The following DDX31 variants were observed in gnomAD, a reference collection of about 807,000 sequenced individuals.
The protein encoded by DDX31 is ATP-dependent DNA helicase DDX31.
Under a neutral mutation model 91.3 loss-of-function variants are expected in DDX31, and 70 were observed. The observed-to-expected ratio is 0.77, with a 90% CI of 0.63 to 0.94. The LOEUF (loss-of-function observed/expected upper bound fraction) is 0.94, where lower values mean the gene tolerates loss of function less well. DDX31 is among the 40% of genes least tolerant of loss of function. The probability of loss-of-function intolerance (pLI) is 0.00; values close to 1 mark genes in which losing one functional copy is unlikely to be tolerated. For missense variants in DDX31, 902 were observed against 925.0 expected (o/e 0.98, Z 0.32); for synonymous variants, 362 against 350.6 (o/e 1.03, Z -0.36).
chr9:132,651,484 T>C (rs1007429135), intron 7 of DDX31, among the ~76,000 whole-genome samples: 1 of 152,110 alleles, frequency 6.6e-6, no homozygotes, highest in African/African-American at 2.4e-5. Context: ...AGAAAGAATA[T>C]AATATGTACG....
intron 13 of DDX31, among the ~76,000 whole-genome samples, chr9:132,643,021 G>T (rs1833595633): frequency 6.6e-6 from 1 of 152,076 alleles, no homozygotes; most frequent in Non-Finnish European, 1.5e-5. Context: ...ACGAGGTTTT[G>T]CCATGCTGCT....
Position 132,613,344 on chromosome 9 carries a change from C to T in DDX31, c.1826-1089G>A, listed in dbSNP as rs115927729. ...AAAATAGTCCCTTGAGGACTGACAA[C>T]AATTTAGGGACATTCATCAAACACT... On this transcript the variant is annotated intron_variant, in intron 18 of 19. Transcript: ENST00000372159. 9.1e-3 allele frequency among the ~76,000 whole-genome samples: 1,391 copies of T among 152,330 alleles called. 13 individuals are homozygous for T. Among genetic ancestry groups the T allele is most frequent in the African/African-American group, 0.032 (1,313 of 41,572 alleles).
intron 11 of DDX31, 26 bp downstream of exon 11, chr9:132,648,163 G>A (rs1023063687): frequency 7.6e-6 from 12 of 1,568,932 alleles, no homozygotes; most frequent in Non-Finnish European, 1.0e-5. Flanking sequence ...GAACAAAGAA[G>A]GACCCATCAC....
chr9:132,594,851 A>G lies in DDX31; in HGVS notation c.*15T>C. On this transcript the variant is annotated 3_prime_UTR_variant, in exon 20 of 20. Coordinates refer to ENST00000372159, the MANE Select transcript of DDX31 (RefSeq NM_022779.9). ...CCCGGGGCTTCCAGGTTCCACTCGA[A>G]GACCCAGAGAGATTTTAAACTTTCT... The G allele has an allele frequency of 6.2e-7, 1 of 1,608,990 alleles. No individual in the cohort carries two copies.
intron 18 of DDX31, among the ~76,000 whole-genome samples, chr9:132,618,125 A>T (rs1831760172): frequency 6.6e-6 from 1 of 152,230 alleles, no homozygotes; most frequent in African/African-American, 2.4e-5. Flanking sequence ...AAACATGGGG[A>T]AGGATGAAAT....
chr9:132,661,733 C>T (rs1834964253), intron 3 of DDX31, among the ~76,000 whole-genome samples: 1 of 152,170 alleles, frequency 6.6e-6, no homozygotes, highest in South Asian at 2.1e-4. Flanking sequence ...TTTCTTCTTA[C>T]TCATGAGTCT....
chr9:132,633,293 A>G (rs897721390), intron 14 of DDX31, among the ~76,000 whole-genome samples: 2 of 152,162 alleles, frequency 1.3e-5, no homozygotes, highest in African/African-American at 4.8e-5. Flanking sequence ...ATGGCAGGGA[A>G]TTGGGTAGTA....
chr9:132,617,745 C>T (rs574069648), intron 18 of DDX31, among the ~76,000 whole-genome samples: 34 of 152,264 alleles, frequency 2.2e-4, no homozygotes, highest in African/African-American at 7.2e-4. Context: ...TATTACTCAA[C>T]GTGAACTGTG....
intron 1 of DDX31, among the ~76,000 whole-genome samples, chr9:132,667,189 G>A (rs771301313): frequency 6.6e-5 from 10 of 152,088 alleles, no homozygotes; most frequent in Non-Finnish European, 1.5e-4. Context: ...CATAGTGTTA[G>A]ATACAGCATA....
At position 132,616,366 on chromosome 9, in the gene DDX31, T is replaced by TA. The variant is rs55949604; in HGVS notation, c.1825+1963dup. ...AGTGACCCTGCTTGTTTCATGGTAT[T>TA]AACAAGTTCAATGGTAATAACAGTG... On this transcript the variant is annotated intron_variant, in intron 18 of 19. Transcript: ENST00000372159. Among the ~76,000 whole-genome samples, 465 of 152,326 alleles carry TA rather than the reference T, an allele frequency of 3.1e-3. 5 individuals are homozygous for TA. Among genetic ancestry groups the TA allele is most frequent in the Admixed American group, 0.019 (294 of 15,298 alleles).
At chr9:132,661,677 C>A (rs1193945222) in intron 3 of DDX31, among the ~76,000 whole-genome samples, 3 of 152,128 alleles carry the variant, frequency 2.0e-5, no homozygotes, top group Non-Finnish European at 4.4e-5. Context: ...AAGCTGTAAC[C>A]GAAAGTGCAG....
At chr9:132,604,436 T>C (rs1404903258) in intron 19 of DDX31, among the ~76,000 whole-genome samples, 1 of 152,216 alleles carries the variant, frequency 6.6e-6, no homozygotes, top group African/African-American at 2.4e-5. Flanking sequence ...CTATCATCTG[T>C]GCAGCTGGCC....
chr9:132,601,576 G>A (rs553156326), intron 19 of DDX31, among the ~76,000 whole-genome samples: 27 of 152,318 alleles, frequency 1.8e-4, no homozygotes, highest in African/African-American at 6.5e-4. Flanking sequence ...ATCATCCCCT[G>A]CACTAACAGA....
chr9:132,642,160 G>A (rs545911071), intron 13 of DDX31, 97 bp from the exon 14 acceptor site: 2 of 1,094,644 alleles, frequency 1.8e-6, no homozygotes, highest in East Asian at 2.5e-5. Context: ...CCTACTGCTA[G>A]AGCTATTTTC....
At chr9:132,638,885 AT>A (rs1262581514) in intron 14 of DDX31, among the ~76,000 whole-genome samples, 4 of 152,214 alleles carry the variant, frequency 2.6e-5, no homozygotes, top group Admixed American at 2.6e-4. Context: ...AAAGACATTC[AT>A]TCTGGCCTTG....
intron 18 of DDX31, among the ~76,000 whole-genome samples, chr9:132,616,346 C>G (rs1209797265): frequency 6.6e-6 from 1 of 152,092 alleles, no homozygotes; most frequent in African/African-American, 2.4e-5. Context: ...AGACAAGTGA[C>G]CCTGCTTGTT....
intron 3 of DDX31, 107 bp from the exon 4 acceptor site, chr9:132,661,358 C>G (rs955675527): frequency 1.0e-5 from 10 of 970,784 alleles, no homozygotes; most frequent in Non-Finnish European, 1.5e-5. Flanking sequence ...CTACTATGAT[C>G]AAATTAAGTT....
chr9:132,663,454 C>A, intron 1 of DDX31: 1 of 985,416 alleles, frequency 1.0e-6, no homozygotes, highest in Non-Finnish European at 1.2e-6. Context: ...GGATCTCTTG[C>A]CTGTTGCTTC....
intron 17 of DDX31, among the ~76,000 whole-genome samples, chr9:132,620,402 G>C (rs1831948369): frequency 6.7e-6 from 1 of 148,844 alleles, no homozygotes; most frequent in Non-Finnish European, 1.5e-5. Flanking sequence ...TCAAAATGAG[G>C]CATCTTTTCT....
Sources: allele counts gnomAD v4.1 joint callset (sites outside exome capture counted in the v4.1 genomes callset), GRCh38; gene constraint gnomAD v4.1.1; transcripts MANE v1.5; gene names NCBI Gene and HGNC (gene_info 2026-07-23, HGNC 2026-07-21).